MIB1: variants seen among roughly 807,000 people sequenced by gnomAD.
MIB1 encodes the protein E3 ubiquitin-protein ligase MIB1.
MIB1 carries 278 observed loss-of-function variants against 124.5 expected under a neutral mutation model. The observed-to-expected ratio is 2.23, with a 90% CI of 2.02 to 2.47. The LOEUF (loss-of-function observed/expected upper bound fraction) is 2.47. MIB1 is among the 30% of genes most tolerant of loss of function. The pLI is 0.00. For synonymous variants in MIB1, 446 were observed against 429.4 expected (o/e 1.04, Z -0.48); for missense variants, 957 against 1,254.4 (o/e 0.76, Z 3.58).
At chr18:21,763,859 C>T (rs1439729389) in intron 1 of MIB1, among the ~76,000 whole-genome samples, 3 of 152,124 alleles carry the variant, frequency 2.0e-5, no homozygotes, top group African/African-American at 7.2e-5. Context: ...TAATCTGACT[C>T]CCTTTCTCTA....
At chr18:21,792,210 C>T (rs1279523872) in intron 7 of MIB1, among the ~76,000 whole-genome samples, 2 of 152,046 alleles carry the variant, frequency 1.3e-5, no homozygotes, top group East Asian at 3.9e-4. Flanking sequence ...GTGTCCTCCT[C>T]TGTAGTTCTC....
intron 12 of MIB1, among the ~76,000 whole-genome samples, chr18:21,829,983 G>A (rs1449588070): frequency 2.0e-5 from 3 of 152,022 alleles, no homozygotes; most frequent in African/African-American, 4.8e-5. Context: ...GTAGCCTTCA[G>A]TTATTGTGGT....
chr18:21,791,632 G>T, intron 7 of MIB1, 75 bp downstream of exon 7: 1 of 1,234,340 alleles, frequency 8.1e-7, no homozygotes. Context: ...AATTAATGTA[G>T]AAATTAAATT....
intron 10 of MIB1, among the ~76,000 whole-genome samples, chr18:21,814,946 C>CA (rs1380270529): frequency 1.5e-5 from 2 of 135,740 alleles, no homozygotes; most frequent in Non-Finnish European, 3.1e-5. Context: ...TTTTAAATGT[C>CA]AAAAAAAATT....
rs1360483053 is a variant in MIB1, at chr18:21,825,528, T to G, written c.1829+5882T>G. 9.1e-6 allele frequency: 3 copies of G among 329,928 alleles called. No homozygotes were observed. In the East Asian group the frequency reaches 3.2e-4, roughly 35 times the overall value. The allele number at this position is 329,928 out of a possible 1,614,324, so 20.4% of individuals were successfully genotyped here. On this transcript the variant is annotated intron_variant, in intron 12 of 20. Coordinates refer to ENST00000261537, the MANE Select transcript of MIB1 (RefSeq NM_020774.4). ...TTGAAATCCTTAAGTCATCCATACA[T>G]TTTTCATAAAGCTTTTTATAAACAT...
Position 21,803,898 on chromosome 18 carries a change from A to G in MIB1, c.1372-9A>G, listed in dbSNP as rs1194016386. The G allele has an allele frequency of 3.1e-6, 5 of 1,601,334 alleles. No homozygotes were observed. The highest frequency in any genetic ancestry group is 4.3e-6 in the Non-Finnish European group (5 of 1,170,360). ...TTCATTCTTTCATTCTTTTTTTTAA[A>G]AAATGTAGGTAAATGGGCAATGTGC... On this transcript the variant is annotated splice_polypyrimidine_tract_variant and intron_variant, in intron 9 of 20. Transcript: ENST00000261537.
At chr18:21,708,935 G>A (rs1435171492) in intron 1 of MIB1, among the ~76,000 whole-genome samples, 1 of 152,180 alleles carries the variant, frequency 6.6e-6, no homozygotes, top group Non-Finnish European at 1.5e-5. Flanking sequence ...TATGCAGAAA[G>A]GAAATTTATT....
intron 6 of MIB1, among the ~76,000 whole-genome samples, chr18:21,780,743 C>T (rs2041351537): frequency 1.3e-5 from 2 of 152,190 alleles, no homozygotes; most frequent in African/African-American, 2.4e-5. Flanking sequence ...CCACCATACC[C>T]GGCCCACATT....
intron 10 of MIB1, among the ~76,000 whole-genome samples, chr18:21,809,407 C>T (rs1290979585): frequency 6.6e-6 from 1 of 152,084 alleles, no homozygotes; most frequent in East Asian, 1.9e-4. Flanking sequence ...CTAACTCATT[C>T]TAAAAAGCCA....
At chr18:21,732,061 C>T (rs2040773658) in intron 1 of MIB1, among the ~76,000 whole-genome samples, 1 of 151,716 alleles carries the variant, frequency 6.6e-6, no homozygotes, top group Non-Finnish European at 1.5e-5. Context: ...CGCGGTGGCT[C>T]ATGCCTGTAA....
At chr18:21,844,751 G>A (rs748790894) in intron 15 of MIB1, among the ~76,000 whole-genome samples, 19 of 152,082 alleles carry the variant, frequency 1.2e-4, no homozygotes, top group Non-Finnish European at 2.5e-4. Flanking sequence ...TTTAACATCA[G>A]CCATTCAAAT....
intron 13 of MIB1, among the ~76,000 whole-genome samples, chr18:21,842,830 A>G (rs981909784): frequency 6.6e-6 from 1 of 152,164 alleles, no homozygotes; most frequent in African/African-American, 2.4e-5. Context: ...TATAGTGGAG[A>G]TTGAAAGAGA....
chr18:21,737,749 C>G (rs2040802489), upstream of MIB1, among the ~76,000 whole-genome samples: 1 of 152,190 alleles, frequency 6.6e-6, no homozygotes, highest in East Asian at 1.9e-4. Flanking sequence ...ATGAAACAGA[C>G]TTTAAACCAA....
At chr18:21,859,393 A>AC (rs1169052248) in intron 20 of MIB1, among the ~76,000 whole-genome samples, 1 of 38,082 alleles carries the variant, frequency 2.6e-5, no homozygotes, top group Non-Finnish European at 1.4e-4. Flanking sequence ...ACCCCATCTC[A>AC]AAAAAAAAAA....
chr18:21,823,320 G>A (rs1043055997), intron 12 of MIB1, among the ~76,000 whole-genome samples: 4 of 150,742 alleles, frequency 2.7e-5, no homozygotes, highest in African/African-American at 7.3e-5. Flanking sequence ...AATATTGCTC[G>A]AGCCTAGGAG....
intron 6 of MIB1, among the ~76,000 whole-genome samples, chr18:21,785,225 C>G (rs1407609620): frequency 2.0e-5 from 3 of 152,004 alleles, no homozygotes; most frequent in African/African-American, 7.2e-5. Context: ...TACCCTGCCC[C>G]CTTGCCTTGT....
intron 2 of MIB1, among the ~76,000 whole-genome samples, chr18:21,768,272 G>C (rs1459301072): frequency 3.3e-5 from 5 of 152,126 alleles, no homozygotes; most frequent in Non-Finnish European, 7.4e-5. Flanking sequence ...TTGTGGCCTT[G>C]GGCACATTAC....
chr18:21,840,659 A>ATT (rs2042078787), intron 13 of MIB1, among the ~76,000 whole-genome samples: 1 of 1,670 alleles, frequency 6.0e-4, no homozygotes, highest in African/African-American at 1.1e-3. Flanking sequence ...ATATATATAT[A>ATT]TATATATTTT....
chr18:21,851,498 A>G (rs1486910637), intron 17 of MIB1, among the ~76,000 whole-genome samples: 1 of 152,208 alleles, frequency 6.6e-6, no homozygotes, highest in Non-Finnish European at 1.5e-5. Context: ...TTGGTTGTAG[A>G]GCCTTTGACT....
Sources: allele counts gnomAD v4.1 joint callset (sites outside exome capture counted in the v4.1 genomes callset), GRCh38; gene constraint gnomAD v4.1.1; transcripts MANE v1.5; gene names NCBI Gene and HGNC (gene_info 2026-07-23, HGNC 2026-07-21).